VPS13A: variants seen among roughly 807,000 people sequenced by gnomAD.
VPS13A encodes the protein intermembrane lipid transfer protein VPS13A.
In VPS13A, 264 loss-of-function variants were observed where a neutral mutation model predicts 390.9. The observed-to-expected ratio is 0.68, with a 90% CI of 0.61 to 0.75. The LOEUF is 0.75. VPS13A is among the 30% of genes least tolerant of loss of function. The probability of loss-of-function intolerance (pLI) is 0.00; values close to 1 mark genes in which losing one functional copy is unlikely to be tolerated. For synonymous variants in VPS13A, 1,231 were observed against 1,227.1 expected (o/e 1.00, Z -0.07); for missense variants, 3,409 against 3,733.9 (o/e 0.91, Z 2.27).
rs115303087 is a variant in VPS13A at position 77,378,755 on chromosome 9, T to C, written c.9078-3221T>C. 5.7e-3 allele frequency among the ~76,000 whole-genome samples: 873 copies of C among 152,060 alleles called. 12 individuals are homozygous for C. The highest frequency in any genetic ancestry group is 0.02 in the African/African-American group (842 of 41,542). On this transcript the variant is annotated intron_variant, in intron 67 of 71. Transcript: ENST00000360280. ...GCTAGCTTTGGGATTAGTTTGCTTT[T>C]TCTACTTTCTCAACTTGTGAAGTTA...
chr9:77,352,610 T>C (rs1316797833), intron 53 of VPS13A, among the ~76,000 whole-genome samples: 3 of 152,174 alleles, frequency 2.0e-5, no homozygotes, highest in African/African-American at 7.2e-5. Context: ...TAAAGATAAA[T>C]CAGACATTCA....
chr9:77,361,122 A>G (rs144873473), intron 59 of VPS13A, among the ~76,000 whole-genome samples: 4 of 152,246 alleles, frequency 2.6e-5, no homozygotes, highest in African/African-American at 4.8e-5. Flanking sequence ...GTAACAGTCT[A>G]TTGAGGTATA....
chr9:77,302,932 A>T lies in VPS13A; in HGVS notation c.3830A>T (p.Asp1277Val), dbSNP rs1828467790. 1 of 1,613,698 alleles carries T rather than the reference A, an allele frequency of 6.2e-7. No homozygotes were observed. The highest frequency in any genetic ancestry group is 8.5e-7 in the Non-Finnish European group (1 of 1,179,658). Residue 1277 changes from aspartate (D) to valine (V), a missense_variant, in exon 34 of 72, where the codon GAT becomes GTT. Asp to Val is a radical substitution (Grantham distance 152). Around this residue, in one of 5 missense-constraint regions of VPS13A, gnomAD observed 2,717 missense variants for 2,917.4 expected, o/e 0.93. Coordinates refer to ENST00000360280, the MANE Select transcript of VPS13A (RefSeq NM_033305.3). ...ACTTATAGATCTCGATTTATTAATG[A>T]TGCATACCAGGAAGTACTGGATCTA... ...MRLYRSRFIN[D>V]AYQEVLDLLL...
chr9:77,337,218 T>G, intron 46 of VPS13A, 37 bp from the exon 47 acceptor site: 1 of 1,577,452 alleles, frequency 6.3e-7, no homozygotes, highest in Non-Finnish European at 8.6e-7. Context: ...TGTTTTCCTT[T>G]AAAACATTTT....
intron 68 of VPS13A, among the ~76,000 whole-genome samples, chr9:77,392,084 ACT>A (rs1463829938): frequency 3.9e-5 from 6 of 152,076 alleles, no homozygotes; most frequent in Non-Finnish European, 8.8e-5. Flanking sequence ...GGATCTTCAC[ACT>A]CTCATTCCTG....
At chr9:77,263,572 G>T (rs370498832) in intron 23 of VPS13A, among the ~76,000 whole-genome samples, 1 of 151,934 alleles carries the variant, frequency 6.6e-6, no homozygotes, top group Non-Finnish European at 1.5e-5. Flanking sequence ...CATATCCTTC[G>T]CCTACTTTTT....
At position 77,332,050 on chromosome 9, in the gene VPS13A, G is replaced by A; in HGVS notation, c.6032G>A (p.Gly2011Glu). ...HFSVPLSVYE[G>E]DTLLGTASPE... ...TCAGTCCCACTGTCTGTTTACGAAG[G>A]GGATACCTTATTGGGAACTGCCTCA... The change falls in exon 46 of 72, where the codon GGG (glycine) becomes GAG (glutamate). Residue 2011 changes from glycine (G) to glutamate (E), a missense_variant. Gly to Glu is a moderately conservative substitution (Grantham distance 98). Around this residue, in one of 5 missense-constraint regions of VPS13A, gnomAD observed 2,717 missense variants for 2,917.4 expected, o/e 0.93. Coordinates refer to ENST00000360280, the MANE Select transcript of VPS13A (RefSeq NM_033305.3). 6.2e-7 allele frequency: 1 copy of A among 1,611,852 alleles called. No individual in the cohort carries two copies. Among genetic ancestry groups the A allele is most frequent in the African/African-American group, 1.3e-5 (1 of 74,898 alleles).
chr9:77,325,532 CATT>C (rs1829971129), intron 45 of VPS13A, among the ~76,000 whole-genome samples: 1 of 148,490 alleles, frequency 6.7e-6, no homozygotes, highest in Non-Finnish European at 1.5e-5. Flanking sequence ...CTATTTGTCT[CATT>C]TGTTCTTTGC....
At chr9:77,369,147 A>C (rs1217520812) in intron 62 of VPS13A, 152 bp from the exon 63 acceptor site, 1 of 658,574 alleles carries the variant, frequency 1.5e-6, no homozygotes, top group Non-Finnish European at 2.7e-6. Flanking sequence ...AAAGAAAAAA[A>C]AGAGTAGTGA....
chr9:77,321,610 A>G lies in VPS13A; in HGVS notation c.5694A>G (p.Val1898=), dbSNP rs1270828289. ...ISVSPSDSFS[V]LNIPMAKSYV... ...TTTCGCCAAGTGATTCTTTTAGTGTACTCAACATTCCTATGGCAAAATCAT... is the reference window on the plus strand; with the variant it reads ...TTTCGCCAAGTGATTCTTTTAGTGTGCTCAACATTCCTATGGCAAAATCAT... The change falls in exon 44 of 72, where the codon GTA becomes GTG. Residue 1898 remains valine (V), a synonymous_variant. Transcript: ENST00000360280. The G allele has an allele frequency of 6.2e-7, 1 of 1,613,452 alleles. No individual in the cohort carries two copies. Among genetic ancestry groups the G allele is most frequent in the South Asian group, 1.1e-5 (1 of 91,052 alleles).
intron 71 of VPS13A, among the ~76,000 whole-genome samples, chr9:77,410,603 A>G (rs1834873506): frequency 2.6e-5 from 4 of 152,356 alleles, no homozygotes; most frequent in Admixed American, 2.6e-4. Flanking sequence ...AGGAAGATCT[A>G]CCAAGCAAAT....
At chr9:77,238,430 A>G (rs1489921675) in intron 19 of VPS13A, 44 bp downstream of exon 19, 4 of 1,362,348 alleles carry the variant, frequency 2.9e-6, no homozygotes, top group East Asian at 4.6e-5. Context: ...ACTGTATCCT[A>G]TATTAAACTT....
chr9:77,363,025 C>G (rs58139137), intron 59 of VPS13A, among the ~76,000 whole-genome samples: 19,995 of 151,992 alleles, frequency 0.13, 1,569 homozygotes, highest in African/African-American at 0.21. Context: ...TTTGGGATTT[C>G]TATACATAAG....
intron 10 of VPS13A, 30 bp from the exon 11 acceptor site, chr9:77,219,924 A>C (rs765231206): frequency 1.9e-6 from 3 of 1,609,272 alleles, no homozygotes; most frequent in Non-Finnish European, 2.6e-6. Context: ...AATATAACTC[A>C]GTTTTTTTTC....
rs1414212153 is a variant in VPS13A at position 77,350,678 on chromosome 9, T to A, written c.7290-639T>A. On this transcript the variant is annotated intron_variant, in intron 52 of 71. Transcript: ENST00000360280. ...CGAGTGACTATGATTTTCCTAGATA[T>A]GTGTTAGGGTTTTTTCCCCCCTATT... 2.6e-5 allele frequency among the ~76,000 whole-genome samples: 4 copies of A among 152,148 alleles called. No individual in the cohort carries two copies. The South Asian group carries it at 8.3e-4, about 32-fold the overall frequency.
At chr9:77,303,347 T>C (rs1201328571) in intron 34 of VPS13A, among the ~76,000 whole-genome samples, 1 of 152,094 alleles carries the variant, frequency 6.6e-6, no homozygotes, top group Admixed American at 6.6e-5. Context: ...CTGGAAGGTA[T>C]AGTAGTAGTT....
chr9:77,317,559 T>G, intron 39 of VPS13A, 47 bp from the exon 40 acceptor site: 1 of 1,361,674 alleles, frequency 7.3e-7, no homozygotes, highest in Non-Finnish European at 1.0e-6. Flanking sequence ...ATAGAAATAT[T>G]TTTATATTTA....
chr9:77,285,542 A>T (rs980472038), intron 31 of VPS13A, among the ~76,000 whole-genome samples: 15 of 152,208 alleles, frequency 9.9e-5, no homozygotes, highest in African/African-American at 3.1e-4. Flanking sequence ...AAAAAAATCC[A>T]ATTTTTAATG....
At chr9:77,260,816 T>C (rs1241124114) in intron 23 of VPS13A, among the ~76,000 whole-genome samples, 1 of 152,170 alleles carries the variant, frequency 6.6e-6, no homozygotes, top group Non-Finnish European at 1.5e-5. Context: ...AAAAAAATTT[T>C]TGTGGCATAT....
Sources: gnomAD v4.1 joint callset for allele counts (sites outside exome capture counted in the v4.1 genomes callset) on GRCh38, gnomAD v4.1.1 for gene constraint, gnomAD v4.1.1 regional missense constraint, MANE v1.5 for transcripts, NCBI Gene and HGNC (gene_info 2026-07-23, HGNC 2026-07-21) for gene names.